The following RAD23B variants were observed in gnomAD, a reference collection of about 807,000 sequenced individuals.
RAD23B encodes RAD23 nucleotide excision repair protein B.
Under a neutral mutation model 49.1 loss-of-function variants are expected in RAD23B, and 5 were observed. The ratio of observed to expected loss-of-function variants is 0.10; its 90% confidence interval spans 0.05 to 0.21. RAD23B has a LOEUF of 0.21. Ranked by LOEUF, RAD23B falls within the 10% of genes least tolerant of loss-of-function variation. The probability of loss-of-function intolerance (pLI) is 1.00; values close to 1 mark genes in which losing one functional copy is unlikely to be tolerated. For synonymous variants in RAD23B, 184 were observed against 165.4 expected (o/e 1.11, Z -0.86); for missense variants, 356 against 486.7 (o/e 0.73, Z 2.53).
chr9:107,284,872 A>G (rs1030610943), intron 1 of RAD23B: 1 of 1,249,310 alleles, frequency 8.0e-7, no homozygotes, highest in African/African-American at 1.5e-5. Context: ...TCTCTGTATA[A>G]TAGGGATAAT....
chr9:107,287,981 T>C (rs997175096), intron 1 of RAD23B, among the ~76,000 whole-genome samples: 2 of 152,190 alleles, frequency 1.3e-5, no homozygotes, highest in African/African-American at 4.8e-5. Flanking sequence ...CTAGATACAA[T>C]TTCATATTAT....
chr9:107,293,487 A>G (rs1196890973), intron 1 of RAD23B, among the ~76,000 whole-genome samples: 2 of 152,216 alleles, frequency 1.3e-5, no homozygotes, highest in Admixed American at 6.5e-5. Context: ...TTCAGATGTT[A>G]TATTTCAGGG....
chr9:107,284,052 A>T, intron 1 of RAD23B: 3 of 1,021,482 alleles, frequency 2.9e-6, no homozygotes, highest in Non-Finnish European at 3.5e-6. Context: ...ATGGGTGCAC[A>T]GGTGGGGGAG....
intron 1 of RAD23B, chr9:107,284,851 G>A: frequency 8.1e-7 from 1 of 1,232,320 alleles, no homozygotes; most frequent in South Asian, 1.3e-5. Flanking sequence ...GCAAATTACG[G>A]TTAGTTTCAT....
At chr9:107,319,128 C>CTTTT (rs56891354) in intron 6 of RAD23B, among the ~76,000 whole-genome samples, 4,454 of 97,576 alleles carry the variant, frequency 0.046, 632 homozygotes, top group African/African-American at 0.16. Flanking sequence ...TTTCTTTTTT[C>CTTTT]TTTTTTTTTT....
intron 1 of RAD23B, 115 bp from the exon 2 acceptor site, chr9:107,300,026 T>A: frequency 1.5e-6 from 2 of 1,300,952 alleles, no homozygotes; most frequent in Non-Finnish European, 2.1e-6. Flanking sequence ...TATTTGAGGT[T>A]TTGGAAACAT....
At chr9:107,311,856 ATGAT>A (rs1443460383) in intron 5 of RAD23B, 119 bp downstream of exon 5, 1 of 728,002 alleles carries the variant, frequency 1.4e-6, no homozygotes, top group Non-Finnish European at 2.2e-6. Flanking sequence ...AAGCTGTAAG[ATGAT>A]TGATTTAGGT....
rs767396694 is a variant in RAD23B, at chr9:107,283,600, G to A, written c.-30G>A. ...CGCCCAGCGGCCAGCACCCGGCGCA[G>A]GCCCGGCAGCCGAGCTGCGCGGCGG... is the stretch of plus-strand genomic sequence containing the variant. On this transcript the variant is annotated 5_prime_UTR_variant, in exon 1 of 10. Coordinates refer to ENST00000358015, the MANE Select transcript of RAD23B (RefSeq NM_002874.5). 3.2e-5 allele frequency: 47 copies of A among 1,465,512 alleles called. No homozygotes were observed. Among genetic ancestry groups the A allele is most frequent in the African/African-American group, 4.4e-5 (3 of 67,744 alleles). 90.8% of individuals were successfully genotyped at this position (1,465,512 alleles called of 1,614,324 possible). A position where few individuals can be genotyped will look rare whatever the true frequency, so the allele number is the denominator to read the frequency against.
rs753320480 is a variant in RAD23B, at chr9:107,311,008, C to CA, written c.498-674_498-673insA. Among the ~76,000 whole-genome samples, 5 of 152,256 alleles carry CA rather than the reference C, an allele frequency of 3.3e-5. No individual in the cohort carries two copies. In the East Asian group the frequency reaches 9.6e-4, roughly 29 times the overall value. On this transcript the variant is annotated intron_variant, in intron 4 of 9. Coordinates refer to ENST00000358015, the MANE Select transcript of RAD23B (RefSeq NM_002874.5). ...TTTAAACTTCTAACTACTACCTTTA[C>CA]CACTGTTGTAAACTTAAGTTTATAT...
intron 1 of RAD23B, among the ~76,000 whole-genome samples, chr9:107,294,984 A>C (rs1330182058): frequency 1.3e-5 from 2 of 150,746 alleles, no homozygotes; most frequent in African/African-American, 2.4e-5. Context: ...ACACGTGACA[A>C]GAGGAAGATA....
At chr9:107,323,292 T>G (rs1270212075) in intron 7 of RAD23B, among the ~76,000 whole-genome samples, 2 of 152,218 alleles carry the variant, frequency 1.3e-5, no homozygotes, top group Non-Finnish European at 2.9e-5. Flanking sequence ...TTATCCGAGT[T>G]TTTGTAGTTC....
chr9:107,309,989 T>C (rs1174794682), intron 4 of RAD23B, among the ~76,000 whole-genome samples: 2 of 149,974 alleles, frequency 1.3e-5, no homozygotes, highest in Non-Finnish European at 3.0e-5. Context: ...CTAAGGGAGA[T>C]GTGTCTTACC....
At chr9:107,300,624 CACCT>C (rs1826630443) in intron 2 of RAD23B, among the ~76,000 whole-genome samples, 1 of 151,692 alleles carries the variant, frequency 6.6e-6, no homozygotes, top group Non-Finnish European at 1.5e-5. Flanking sequence ...ATCACACAGA[CACCT>C]ACAGGAAGAA....
At chr9:107,321,573 GA>G (rs558757329) in intron 6 of RAD23B, among the ~76,000 whole-genome samples, 138 of 152,306 alleles carry the variant, frequency 9.1e-4, no homozygotes, top group African/African-American at 3.2e-3. Flanking sequence ...AGATTTCTAA[GA>G]AGTTAAAAAG....
At chr9:107,303,028 A>AT (rs1315633179) in intron 3 of RAD23B, among the ~76,000 whole-genome samples, 1 of 152,080 alleles carries the variant, frequency 6.6e-6, no homozygotes, top group Non-Finnish European at 1.5e-5. Flanking sequence ...ATAAAATTAA[A>AT]TTTTTTTTAA....
chr9:107,300,044 T>G lies in RAD23B; in HGVS notation c.67-97T>G, dbSNP rs998623592. 5 of 1,393,936 alleles carry G rather than the reference T, an allele frequency of 3.6e-6. No individual in the cohort carries two copies. In the African/African-American group the frequency reaches 5.9e-5, roughly 16 times the overall value. 86.3% of individuals were successfully genotyped at this position (1,393,936 alleles called of 1,614,324 possible). ...TTGAGGTTTTGGAAACATTAATAAT[T>G]ATGTATATAATTTTTGTCTTCCATT... On this transcript the variant is annotated intron_variant, in intron 1 of 9. Transcript: ENST00000358015.
At chr9:107,326,618 T>G (rs1827208836) in intron 9 of RAD23B, among the ~76,000 whole-genome samples, 1 of 146,964 alleles carries the variant, frequency 6.8e-6, no homozygotes, top group South Asian at 2.1e-4. Flanking sequence ...CTATTCAACT[T>G]TTGTATTTCT....
chr9:107,303,221 A>C (rs1393493497), intron 3 of RAD23B, among the ~76,000 whole-genome samples: 2 of 152,216 alleles, frequency 1.3e-5, no homozygotes, highest in African/African-American at 2.4e-5. Context: ...AAATGAGTTT[A>C]AATCACTAAT....
At chr9:107,316,559 AAAT>A (rs766283671) in intron 5 of RAD23B, among the ~76,000 whole-genome samples, 4 of 151,804 alleles carry the variant, frequency 2.6e-5, no homozygotes, top group Non-Finnish European at 5.9e-5. Flanking sequence ...GTAGATAAGA[AAAT>A]AAATAATTAA....
Sources: gnomAD v4.1 joint callset for allele counts (sites outside exome capture counted in the v4.1 genomes callset) on GRCh38, gnomAD v4.1.1 for gene constraint, MANE v1.5 for transcripts, NCBI Gene and HGNC (gene_info 2026-07-23, HGNC 2026-07-21) for gene names.